MAP3K15: variants seen among roughly 807,000 people sequenced by gnomAD.
MAP3K15 encodes MAPK/ERK kinase kinase 15.
Under a neutral mutation model 99.5 loss-of-function variants are expected in MAP3K15, and 124 were observed. The ratio of observed to expected loss-of-function variants is 1.25; its 90% CI spans 1.08 to 1.45. The LOEUF (loss-of-function observed/expected upper bound fraction) is 1.45. MAP3K15 is among the 40% of genes most tolerant of loss of function. MAP3K15 has a pLI of 0.00. For missense variants in MAP3K15, 1,242 were observed against 1,079.7 expected (o/e 1.15, Z -2.11); for synonymous variants, 494 against 439.6 (o/e 1.12, Z -1.55).
At chrX:19,465,831 GT>G (rs1875799153) in intron 3 of MAP3K15, among the ~76,000 whole-genome samples, 4 of 2,611 alleles carry the variant, frequency 1.5e-3, no homozygotes, top group African/African-American at 6.3e-3. Context: ...GTGTGTAGGG[GT>G]GTGTGTGTGT....
chrX:19,422,984 C>T (rs1284594092), intron 9 of MAP3K15, among the ~76,000 whole-genome samples: 1 of 98,867 alleles, frequency 1.0e-5, no homozygotes, highest in African/African-American at 3.8e-5. Flanking sequence ...ACAATGAGAA[C>T]ACATGGACAC....
At chrX:19,452,260 G>A (rs1456809527) in intron 6 of MAP3K15, among the ~76,000 whole-genome samples, 2 of 272 alleles carry the variant, frequency 7.4e-3, no homozygotes, top group African/African-American at 0.091. Flanking sequence ...GAAGAGAAGA[G>A]AAGAGAAGAG....
chrX:19,501,840 C>T (rs1397257536), intron 1 of MAP3K15, among the ~76,000 whole-genome samples: 1 of 111,770 alleles, frequency 8.9e-6, no homozygotes, highest in Non-Finnish European at 1.9e-5. Context: ...CTGAGGCAAG[C>T]AGATCACCTG....
chrX:19,422,366 CA>C (rs1303157328), intron 9 of MAP3K15, among the ~76,000 whole-genome samples: 2 of 111,564 alleles, frequency 1.8e-5, no homozygotes, highest in Non-Finnish European at 3.8e-5. Context: ...AAAAAGTGGG[CA>C]AAGAATATGA....
chrX:19,398,171 G>A, intron 15 of MAP3K15, 55 bp downstream of exon 15: 1 of 1,193,578 alleles, frequency 8.4e-7, no homozygotes, highest in Non-Finnish European at 1.1e-6. Flanking sequence ...CGGTGGGTAT[G>A]GGATCTGGGG....
In MAP3K15 at chrX:19,431,529, C is replaced by T. The variant is rs759649993; in HGVS notation, c.1075G>A (p.Asp359Asn). 2 of 1,197,745 alleles carry T rather than the reference C, an allele frequency of 1.7e-6. No homozygotes were observed. Among genetic ancestry groups the T allele is most frequent in the Non-Finnish European group, 2.2e-6 (2 of 894,334 alleles). Residue 359 changes from aspartate to asparagine, a missense_variant, in exon 7 of 29, where the codon GAC becomes AAC. Coordinates refer to ENST00000338883, the MANE Select transcript of MAP3K15 (RefSeq NM_001001671.4). Reference protein sequence around the residue: ...VLQSCDHPGPDMFCLCGRIYK... With the variant: ...VLQSCDHPGPNMFCLCGRIYK... ...ATCCTCCCACACAGGCAGAACATGT[C>T]GGGGCCCGGGTGATCACAGCTCTGC...
intron 6 of MAP3K15, among the ~76,000 whole-genome samples, chrX:19,452,809 T>C (rs1218751132): frequency 2.7e-5 from 3 of 111,896 alleles, no homozygotes; most frequent in African/African-American, 9.7e-5. Flanking sequence ...CCAATACCAA[T>C]GCGTAAACTT....
At chrX:19,364,763 C>G (rs1308771877) in intron 25 of MAP3K15, among the ~76,000 whole-genome samples, 2 of 109,660 alleles carry the variant, frequency 1.8e-5, no homozygotes, top group African/African-American at 6.7e-5. Flanking sequence ...CGTGGTGGCA[C>G]ATGCCTGTAA....
At chrX:19,377,261 C>T (rs754436818) in intron 19 of MAP3K15, among the ~76,000 whole-genome samples, 109 of 112,695 alleles carry the variant, frequency 9.7e-4, no homozygotes, top group Non-Finnish European at 6.6e-4. Flanking sequence ...CATTTTCAAA[C>T]CCTTCATACA....
In MAP3K15 at chrX:19,488,821, A is replaced by G. The variant is rs770957865; in HGVS notation, c.501+7T>C. ...AAAGTACTCAGGAGAAGGTGAATAC[A>G]CTGTACCTTCAAAGAGAGAGCAGTG... On this transcript the variant is annotated splice_region_variant and intron_variant, in intron 2 of 28. Coordinates refer to ENST00000338883, the MANE Select transcript of MAP3K15 (RefSeq NM_001001671.4). 7.4e-5 allele frequency: 89 copies of G among 1,194,858 alleles called. 1 individual carries two copies. The East Asian group carries it at 2.4e-3, about 32-fold the overall frequency.
At chrX:19,426,047 G>A (rs1352284817) in intron 8 of MAP3K15, among the ~76,000 whole-genome samples, 184 bp downstream of exon 8, 3 of 111,217 alleles carry the variant, frequency 2.7e-5, no homozygotes, top group African/African-American at 6.5e-5. Flanking sequence ...GCTTGAACTC[G>A]GGAGGCGGAG....
At chrX:19,442,670 T>C (rs1050451983) in intron 6 of MAP3K15, among the ~76,000 whole-genome samples, 1 of 106,109 alleles carries the variant, frequency 9.4e-6, no homozygotes, top group Non-Finnish European at 1.9e-5. Context: ...ACTACAGGCA[T>C]GTATTACCAT....
chrX:19,513,515 C>G (rs2064535265), intron 1 of MAP3K15, among the ~76,000 whole-genome samples: 1 of 111,458 alleles, frequency 9.0e-6, no homozygotes. Flanking sequence ...CAGGAGAGTG[C>G]TTTCAATGGG....
At chrX:19,400,031 T>C (rs1311812655) in intron 14 of MAP3K15, among the ~76,000 whole-genome samples, 1 of 111,762 alleles carries the variant, frequency 8.9e-6, no homozygotes, top group Non-Finnish European at 1.9e-5. Context: ...CAGTAAAATC[T>C]CATTAAATTG....
chrX:19,425,747 G>A, intron 8 of MAP3K15, 57 bp from the exon 9 acceptor site: 1 of 1,053,813 alleles, frequency 9.5e-7, no homozygotes, highest in Non-Finnish European at 1.3e-6. Flanking sequence ...CTGTCATACT[G>A]AGGATAAGCA....
At chrX:19,396,506 A>C (rs2147253723) in intron 15 of MAP3K15, among the ~76,000 whole-genome samples, 1 of 112,406 alleles carries the variant, frequency 8.9e-6, no homozygotes, top group African/African-American at 3.2e-5. Flanking sequence ...GTTTCTAAGC[A>C]TCCTTGGGAA....
chrX:19,402,345 A>G (rs1326802935), intron 13 of MAP3K15, among the ~76,000 whole-genome samples: 1 of 111,049 alleles, frequency 9.0e-6, no homozygotes, highest in Non-Finnish European at 1.9e-5. Flanking sequence ...ATACGGAACA[A>G]CTGGGACTCT....
intron 6 of MAP3K15, among the ~76,000 whole-genome samples, chrX:19,436,870 G>A (rs1054317546): frequency 5.4e-5 from 6 of 111,251 alleles, no homozygotes; most frequent in Non-Finnish European, 1.1e-4. Context: ...TAGAAACAGC[G>A]TTTAGCCATG....
At position 19,443,125 on chromosome X, in the gene MAP3K15, C is replaced by T. The variant is rs1387808358; in HGVS notation, c.996-11517G>A. ...TCAGCTCACTGCAACTTCCGCCTCC[C>T]GGGTTCAAGTGATTCTCATGCCTCA... On this transcript the variant is annotated intron_variant, in intron 6 of 28. Coordinates refer to ENST00000338883, the MANE Select transcript of MAP3K15 (RefSeq NM_001001671.4). 3.9e-5 allele frequency among the ~76,000 whole-genome samples: 4 copies of T among 102,151 alleles called. 1 individual carries two copies. The highest frequency in any genetic ancestry group is 7.2e-5 in the African/African-American group (2 of 27,891). The allele number at this position is 102,151 out of a possible 115,157, so 88.7% of individuals were successfully genotyped here. A position where few individuals can be genotyped will look rare whatever the true frequency, so the allele number is the denominator to read the frequency against.
Sources: gnomAD v4.1 joint callset for allele counts (sites outside exome capture counted in the v4.1 genomes callset) on GRCh38, gnomAD v4.1.1 for gene constraint, MANE v1.5 for transcripts, NCBI Gene and HGNC (gene_info 2026-07-23, HGNC 2026-07-21) for gene names.